NCAM2: variants seen among roughly 807,000 people sequenced by gnomAD.
The protein encoded by NCAM2 is N-CAM-2.
In NCAM2, 30 loss-of-function variants were observed where a neutral mutation model predicts 98.1. That is an observed-to-expected ratio of 0.31 (90% CI 0.23 to 0.41). The LOEUF (loss-of-function observed/expected upper bound fraction) is 0.41, where lower values mean the gene tolerates loss of function less well. NCAM2 is among the 10% of genes least tolerant of loss of function. The pLI is 1.00. For missense variants in NCAM2, 867 were observed against 1,005.8 expected (o/e 0.86, Z 1.87); for synonymous variants, 368 against 342.4 (o/e 1.07, Z -0.83).
chr21:21,356,213 G>A (rs73894625), intron 8 of NCAM2, among the ~76,000 whole-genome samples: 3 of 151,850 alleles, frequency 2.0e-5, no homozygotes, highest in Non-Finnish European at 2.9e-5. Flanking sequence ...ATCTCACCAC[G>A]TAAATATTTC....
At chr21:21,235,043 A>G (rs376701374) in intron 1 of NCAM2, among the ~76,000 whole-genome samples, 1 of 152,046 alleles carries the variant, frequency 6.6e-6, no homozygotes, top group African/African-American at 2.4e-5. Context: ...AGTTATTTCC[A>G]TATGTCCATC....
At chr21:21,250,135 G>A (rs1013038846) in intron 1 of NCAM2, among the ~76,000 whole-genome samples, 1 of 152,118 alleles carries the variant, frequency 6.6e-6, no homozygotes. Context: ...TCAACATAAG[G>A]CATTTCTAGT....
At chr21:21,232,659 G>A (rs546690601) in intron 1 of NCAM2, among the ~76,000 whole-genome samples, 61 of 151,664 alleles carry the variant, frequency 4.0e-4, no homozygotes, top group African/African-American at 1.3e-3. Context: ...ATATGTAAAC[G>A]TATATTTCAT....
intron 1 of NCAM2, among the ~76,000 whole-genome samples, chr21:21,070,101 C>T (rs908874242): frequency 2.0e-5 from 3 of 151,930 alleles, no homozygotes; most frequent in Admixed American, 6.6e-5. Context: ...TTGCCTGGTT[C>T]GTGAAAATTT....
chr21:21,507,788 CAAA>C (rs35904478), intron 15 of NCAM2, among the ~76,000 whole-genome samples: 17,508 of 97,790 alleles, frequency 0.18, 1,671 homozygotes, highest in African/African-American at 0.34. Context: ...GACTCCATCT[CAAA>C]AAAAAAAAAA....
Position 21,284,417 on chromosome 21 carries a change from T to C in NCAM2, c.337+17T>C. ...AAATTTACCGTAAGTAATGTATTTATATGTTTTAGTTTATTCAATTTCAGT... is the reference window on the plus strand; with the variant it reads ...AAATTTACCGTAAGTAATGTATTTACATGTTTTAGTTTATTCAATTTCAGT... On this transcript the variant is annotated intron_variant, in intron 3 of 17. Coordinates refer to ENST00000400546, the MANE Select transcript of NCAM2 (RefSeq NM_004540.5). 3 of 1,574,610 alleles carry C rather than the reference T, an allele frequency of 1.9e-6. No homozygotes were observed. In the East Asian group the frequency reaches 6.8e-5, roughly 36 times the overall value.
intron 9 of NCAM2, among the ~76,000 whole-genome samples, chr21:21,381,605 CACTTTACATAAAA>C (rs1350411542): frequency 6.6e-6 from 1 of 152,082 alleles, no homozygotes; most frequent in Non-Finnish European, 1.5e-5. Context: ...CATATTTTGA[CACTTTACATAAAA>C]TGTGAAACAT....
chr21:21,452,967 TATATTA>T, intron 12 of NCAM2, among the ~76,000 whole-genome samples: 1 of 19,654 alleles, frequency 5.1e-5, no homozygotes, highest in Non-Finnish European at 1.5e-4. Flanking sequence ...TTATATATTA[TATATTA>T]TTATATATTA....
chr21:21,102,358 C>G (rs2066260712), intron 1 of NCAM2, among the ~76,000 whole-genome samples: 1 of 151,922 alleles, frequency 6.6e-6, no homozygotes, highest in Non-Finnish European at 1.5e-5. Flanking sequence ...GGTGTGACAA[C>G]TTGATAATTT....
At chr21:21,519,878 T>C (rs1302076783) in intron 16 of NCAM2, among the ~76,000 whole-genome samples, 3 of 152,140 alleles carry the variant, frequency 2.0e-5, no homozygotes, top group Non-Finnish European at 2.9e-5. Flanking sequence ...TCAAAACTTA[T>C]GACTATGATG....
chr21:21,031,126 G>C (rs2064672774), intron 1 of NCAM2, among the ~76,000 whole-genome samples: 1 of 151,976 alleles, frequency 6.6e-6, no homozygotes. Flanking sequence ...AATAATCTTG[G>C]AGTTAATAGA....
At chr21:21,076,204 G>C (rs1448908744) in intron 1 of NCAM2, among the ~76,000 whole-genome samples, 1 of 151,902 alleles carries the variant, frequency 6.6e-6, no homozygotes, top group Non-Finnish European at 1.5e-5. Context: ...GAAATGAGCT[G>C]AAAACTTTCT....
chr21:21,335,562 A>C lies in NCAM2; in HGVS notation c.795A>C (p.Glu265Asp). The C allele has an allele frequency of 6.2e-7, 1 of 1,611,352 alleles. No individual in the cohort carries two copies. The highest frequency in any genetic ancestry group is 8.5e-7 in the Non-Finnish European group (1 of 1,178,604). The change falls in exon 7 of 18, where the codon GAA becomes GAC. Residue 265 changes from glutamate (E) to aspartate (D), a missense_variant. Glu to Asp is a conservative substitution (Grantham distance 45). Coordinates refer to ENST00000400546, the MANE Select transcript of NCAM2 (RefSeq NM_004540.5). ...EKYILKGSNT[E>D]LTVRNIINSD... ...ACATATTGAAAGGGAGCAATACAGAACTCACTGTCAGGAACATAATCAATA... is the reference window on the plus strand; with the variant it reads ...ACATATTGAAAGGGAGCAATACAGACCTCACTGTCAGGAACATAATCAATA...
chr21:21,146,931 T>C (rs1321407198), intron 1 of NCAM2, among the ~76,000 whole-genome samples: 1 of 151,362 alleles, frequency 6.6e-6, no homozygotes, highest in Non-Finnish European at 1.5e-5. Context: ...CTCATACCGC[T>C]GCCTTCTACT....
intron 1 of NCAM2, among the ~76,000 whole-genome samples, chr21:21,031,450 A>G (rs562417602): frequency 5.1e-4 from 77 of 152,222 alleles, no homozygotes; most frequent in African/African-American, 1.8e-3. Flanking sequence ...GTTGGGCCCA[A>G]CCACCTCCCA....
intron 16 of NCAM2, among the ~76,000 whole-genome samples, chr21:21,512,369 G>T (rs955477163): frequency 6.6e-6 from 1 of 151,874 alleles, no homozygotes; most frequent in Non-Finnish European, 1.5e-5. Flanking sequence ...CAATGTCTTG[G>T]CAGCTATGTT....
chr21:21,096,066 CTTCA>C (rs1427573315), intron 1 of NCAM2, among the ~76,000 whole-genome samples: 1 of 151,596 alleles, frequency 6.6e-6, no homozygotes, highest in East Asian at 1.9e-4. Context: ...CATGGAGAGC[CTTCA>C]TTTATTTTGT....
At chr21:21,357,224 C>A (rs143721852) in intron 8 of NCAM2, among the ~76,000 whole-genome samples, 196 of 152,184 alleles carry the variant, frequency 1.3e-3, no homozygotes, top group Non-Finnish European at 2.4e-3. Flanking sequence ...CTTACACAGG[C>A]CCGTTCAATG....
chr21:21,049,524 C>G (rs1402310281), intron 1 of NCAM2, among the ~76,000 whole-genome samples: 2 of 147,274 alleles, frequency 1.4e-5, no homozygotes, highest in African/African-American at 5.0e-5. Context: ...ACACTGACTA[C>G]TTTTTTTTTT....
Sources: allele counts gnomAD v4.1 joint callset (sites outside exome capture counted in the v4.1 genomes callset), GRCh38; gene constraint gnomAD v4.1.1; transcripts MANE v1.5; gene names NCBI Gene and HGNC (gene_info 2026-07-23, HGNC 2026-07-21).